EHMT1: variants seen among roughly 807,000 people sequenced by gnomAD.
EHMT1 encodes the protein histone-lysine N-methyltransferase EHMT1.
Under a neutral mutation model 147.2 loss-of-function variants are expected in EHMT1, and 15 were observed. That is an observed-to-expected ratio of 0.10 (90% CI 0.07 to 0.16). The LOEUF (loss-of-function observed/expected upper bound fraction) is 0.16. Among genes scored for constraint, EHMT1 ranks in the 10% least tolerant of loss-of-function variants. The probability of loss-of-function intolerance (pLI) is 1.00; values close to 1 mark genes in which losing one functional copy is unlikely to be tolerated. For synonymous variants in EHMT1, 795 were observed against 709.6 expected (o/e 1.12, Z -1.91); for missense variants, 1,587 against 1,772.4 (o/e 0.90, Z 1.88).
intron 9 of EHMT1, among the ~76,000 whole-genome samples, chr9:137,759,005 T>C (rs1413413751): frequency 1.3e-5 from 2 of 151,772 alleles, no homozygotes; most frequent in Non-Finnish European, 2.9e-5. Context: ...CGGGCGCCTA[T>C]AGTCCCAGCT....
intron 9 of EHMT1, among the ~76,000 whole-genome samples, chr9:137,761,547 T>A (rs145540195): frequency 0.021 from 3,264 of 152,262 alleles, 101 homozygotes; most frequent in African/African-American, 0.074. Context: ...TCCGACTCCC[T>A]GGTTCAAGTG....
chr9:137,770,413 A>G (rs11137219), intron 10 of EHMT1, among the ~76,000 whole-genome samples: 50,568 of 152,120 alleles, frequency 0.33, 8,694 homozygotes, highest in Admixed American at 0.43. Context: ...GTAGTACAAC[A>G]TTTCAGTCAT....
At chr9:137,773,205 G>T (rs997148744) in intron 10 of EHMT1, among the ~76,000 whole-genome samples, 3 of 152,126 alleles carry the variant, frequency 2.0e-5, no homozygotes, top group Admixed American at 6.5e-5. Context: ...TTGAATTTTT[G>T]AAAATAACTT....
At position 137,812,205 on chromosome 9, in the gene EHMT1, G is replaced by T. The variant is rs367894574; in HGVS notation, c.2867+590G>T. 1.2e-4 allele frequency among the ~76,000 whole-genome samples: 19 copies of T among 152,344 alleles called. No homozygotes were observed. The South Asian group carries it at 3.9e-3, about 32-fold the overall frequency. ...ATACAAAAATTAGCCGGCCATGGTG[G>T]CATGTGCCTGTAACCCCAGCTACTC... On this transcript the variant is annotated intron_variant, in intron 19 of 26. Transcript: ENST00000460843.
chr9:137,834,379 T>C lies in EHMT1; in HGVS notation c.3571T>C (p.Phe1191Leu). The C allele has an allele frequency of 1.2e-6, 2 of 1,613,060 alleles. No homozygotes were observed. Among genetic ancestry groups the C allele is most frequent in the Non-Finnish European group, 1.7e-6 (2 of 1,179,776 alleles). Reference protein sequence around the residue: ...DGEVYCIDARFYGNVSRFINH... With the variant: ...DGEVYCIDARLYGNVSRFINH... ...GGAGGTTTACTGCATCGACGCGCGG[T>C]TCTACGGGAACGTCAGCCGGTTCAT... The change falls in exon 26 of 27, where the codon TTC becomes CTC. Residue 1191 changes from phenylalanine (F) to leucine (L), a missense_variant. Phe to Leu is a conservative substitution (Grantham distance 22). Coordinates refer to ENST00000460843, the MANE Select transcript of EHMT1 (RefSeq NM_024757.5).
At chr9:137,760,625 G>C (rs1949728655) in intron 9 of EHMT1, among the ~76,000 whole-genome samples, 1 of 152,178 alleles carries the variant, frequency 6.6e-6, no homozygotes, top group Non-Finnish European at 1.5e-5. Context: ...CACAGATTTG[G>C]ATTCTCTCCT....
At chr9:137,768,571 A>T (rs1186009494) in intron 10 of EHMT1, among the ~76,000 whole-genome samples, 1 of 39,768 alleles carries the variant, frequency 2.5e-5, no homozygotes, top group Non-Finnish European at 4.5e-5. Flanking sequence ...TTTTTTTGAG[A>T]CGGAGTCTTG....
intron 18 of EHMT1, chr9:137,802,750 AC>A: frequency 8.6e-7 from 1 of 1,168,716 alleles, no homozygotes; most frequent in Non-Finnish European, 1.1e-6. Flanking sequence ...CTCTGGAGTG[AC>A]TGGTCCTGAG....
chr9:137,686,648 T>C (rs1942461652), intron 1 of EHMT1, among the ~76,000 whole-genome samples: 1 of 151,694 alleles, frequency 6.6e-6, no homozygotes, highest in Non-Finnish European at 1.5e-5. Flanking sequence ...CCAAGAGTGC[T>C]GGGATTAGAG....
intron 25 of EHMT1, among the ~76,000 whole-genome samples, chr9:137,832,418 A>T (rs573759251): frequency 2.8e-5 from 3 of 107,214 alleles, no homozygotes; most frequent in African/African-American, 1.1e-4. Flanking sequence ...CCACGTGGCC[A>T]CTGCACTTTG....
intron 2 of EHMT1, among the ~76,000 whole-genome samples, chr9:137,713,874 C>T (rs148953614): frequency 1.4e-3 from 212 of 152,118 alleles, no homozygotes; most frequent in African/African-American, 4.7e-3. Flanking sequence ...CACTTGAACC[C>T]GGGAGGCAGA....
intron 1 of EHMT1, among the ~76,000 whole-genome samples, chr9:137,640,059 C>T (rs185913136): frequency 6.6e-6 from 1 of 152,030 alleles, no homozygotes; most frequent in Non-Finnish European, 1.5e-5. Context: ...CTCTGCCTCC[C>T]GAGTAGCTAG....
intron 1 of EHMT1, among the ~76,000 whole-genome samples, chr9:137,685,996 T>C (rs990688246): frequency 1.3e-5 from 2 of 152,216 alleles, no homozygotes; most frequent in Admixed American, 6.5e-5. Context: ...CAGGCTGGTC[T>C]CCAGCCCCTG....
At chr9:137,758,959 C>T (rs1397763078) in intron 9 of EHMT1, among the ~76,000 whole-genome samples, 1 of 152,044 alleles carries the variant, frequency 6.6e-6, no homozygotes, top group East Asian at 1.9e-4. Flanking sequence ...AACCCCGTCT[C>T]TACTAAAAAT....
rs144115104 is a variant in EHMT1, at chr9:137,707,951, C to T, written c.22-3016C>T. Among the ~76,000 whole-genome samples the T allele has an allele frequency of 7.9e-5, 12 of 152,254 alleles. No homozygotes were observed. The South Asian group carries it at 1.7e-3, about 21-fold the overall frequency. ...AGGGTGTCTTTGGTGTGCCTCAAGGCCCTGCTCTTAAAAGTATTGAGGACC... is the reference window on the plus strand; with the variant it reads ...AGGGTGTCTTTGGTGTGCCTCAAGGTCCTGCTCTTAAAAGTATTGAGGACC... On this transcript the variant is annotated intron_variant, in intron 1 of 26. Coordinates refer to ENST00000460843, the MANE Select transcript of EHMT1 (RefSeq NM_024757.5).
intron 1 of EHMT1, among the ~76,000 whole-genome samples, chr9:137,624,000 CTT>C (rs34882647): frequency 3.7e-4 from 48 of 131,490 alleles, no homozygotes; most frequent in African/African-American, 5.5e-4. Flanking sequence ...TTCTTTCTTT[CTT>C]TTTTTTTTTT....
At chr9:137,660,910 C>T (rs1337247105) in intron 1 of EHMT1, among the ~76,000 whole-genome samples, 2 of 152,134 alleles carry the variant, frequency 1.3e-5, no homozygotes, top group Non-Finnish European at 2.9e-5. Flanking sequence ...CCTTTCCTAC[C>T]ATCATCTTGC....
intron 3 of EHMT1, 163 bp downstream of exon 3, chr9:137,717,345 G>A (rs1945433537): frequency 9.8e-6 from 9 of 918,540 alleles, no homozygotes; most frequent in Admixed American, 4.1e-5. Flanking sequence ...GCTTACAGCT[G>A]TTATCGCAGC....
chr9:137,821,718 G>T (rs1258372068), intron 25 of EHMT1, among the ~76,000 whole-genome samples: 1 of 152,162 alleles, frequency 6.6e-6, no homozygotes, highest in East Asian at 1.9e-4. Context: ...CTCCTGTAGG[G>T]ATTTGATTGG....
Sources: allele counts gnomAD v4.1 joint callset (sites outside exome capture counted in the v4.1 genomes callset), GRCh38; gene constraint gnomAD v4.1.1; transcripts MANE v1.5; gene names NCBI Gene and HGNC (gene_info 2026-07-23, HGNC 2026-07-21).